Variants in SGPP1 observed in about 807,000 individuals in gnomAD.
SGPP1 encodes hSPP1.
A neutral mutation model predicts 33.0 loss-of-function variants in SGPP1; 21 were observed. The observed-to-expected ratio is 0.64, with a 90% CI of 0.45 to 0.92. The LOEUF (loss-of-function observed/expected upper bound fraction) is 0.92, where lower values mean the gene tolerates loss of function less well. Among genes scored for constraint, SGPP1 ranks in the 40% least tolerant of loss-of-function variants. The pLI is 0.00. For synonymous variants in SGPP1, 239 were observed against 241.2 expected, an observed-to-expected ratio of 0.99 and a Z score of 0.08; for missense variants, 543 against 589.4, an observed-to-expected ratio of 0.92 and a Z score of 0.81.
chr14:63,714,744 A>T (rs867651120), intron 1 of SGPP1, among the ~76,000 whole-genome samples: 20 of 143,042 alleles, frequency 1.4e-4, no homozygotes, highest in Admixed American at 2.8e-4. Context: ...ATTTTTATTT[A>T]TTTTTTTTTT....
At position 63,698,545 on chromosome 14, in the gene SGPP1, T is replaced by C. The variant is rs200006628; in HGVS notation, c.774+24A>G. 5.1e-5 allele frequency: 67 copies of C among 1,326,384 alleles called. No individual in the cohort carries two copies. In the South Asian group the frequency reaches 5.9e-4, roughly 12 times the overall value. The allele number at this position is 1,326,384 out of a possible 1,614,324, so 82.2% of individuals were successfully genotyped here. On this transcript the variant is annotated intron_variant, in intron 2 of 2. Transcript: ENST00000247225. ...TGTCAATGTCATAAAAAATAAAGTATTAAGAAGACAACATTTTCCTTACCA... is the reference window on the plus strand; with the variant it reads ...TGTCAATGTCATAAAAAATAAAGTACTAAGAAGACAACATTTTCCTTACCA...
intron 1 of SGPP1, among the ~76,000 whole-genome samples, chr14:63,703,422 AGGTGGGCG>A (rs1885342065): frequency 3.9e-5 from 6 of 152,098 alleles, no homozygotes; most frequent in Admixed American, 3.3e-4. Flanking sequence ...TGGGAAGCTG[AGGTGGGCG>A]GATCACAAGG....
intron 2 of SGPP1, among the ~76,000 whole-genome samples, chr14:63,687,902 C>T (rs1198005727): frequency 1.3e-5 from 2 of 152,086 alleles, no homozygotes; most frequent in African/African-American, 4.8e-5. Context: ...GGGTGGATCA[C>T]CTGAGGTCAA....
At chr14:63,695,108 G>A (rs1885161040) in intron 2 of SGPP1, among the ~76,000 whole-genome samples, 1 of 152,060 alleles carries the variant, frequency 6.6e-6, no homozygotes, top group Non-Finnish European at 1.5e-5. Flanking sequence ...CCAGGCTGGA[G>A]TGCAGTGGCG....
chr14:63,698,516 T>C, intron 2 of SGPP1, 53 bp downstream of exon 2: 1 of 1,011,258 alleles, frequency 9.9e-7, no homozygotes, highest in Non-Finnish European at 1.5e-6. Flanking sequence ...ATTATAAAAT[T>C]TCCTGTCAAT....
In SGPP1 at chr14:63,709,326, A is replaced by C. The variant is rs182837044; in HGVS notation, c.685-10668T>G. Reference sequence around the variant, plus strand: ...GCGGCAGAGGTTGCAGTGAGCTGAAACTATGCCATTGCACTCCAGCCTGGG... The same window carrying C: ...GCGGCAGAGGTTGCAGTGAGCTGAACCTATGCCATTGCACTCCAGCCTGGG... On this transcript the variant is annotated intron_variant, in intron 1 of 2. Coordinates refer to ENST00000247225, the MANE Select transcript of SGPP1 (RefSeq NM_030791.4). 5.7e-3 allele frequency among the ~76,000 whole-genome samples: 860 copies of C among 151,644 alleles called. 9 individuals carry two copies. Among genetic ancestry groups the C allele is most frequent in the African/African-American group, 0.02 (810 of 41,300 alleles).
intron 2 of SGPP1, among the ~76,000 whole-genome samples, chr14:63,694,214 C>T (rs1885143526): frequency 6.6e-6 from 1 of 150,922 alleles, no homozygotes; most frequent in Admixed American, 6.6e-5. Flanking sequence ...GCAAAGGTTG[C>T]AGTGAGCAGA....
chr14:63,685,856 C>T lies in SGPP1; in HGVS notation c.*249G>A. 2 of 216,486 alleles carry T rather than the reference C, an allele frequency of 9.2e-6. No homozygotes were observed. The highest frequency in any genetic ancestry group is 1.8e-5 in the Non-Finnish European group (2 of 110,496). 13.4% of individuals were successfully genotyped at this position (216,486 alleles called of 1,614,324 possible). Reference sequence around the variant, plus strand: ...TATAAGTTGAATCCATAATACAAAACTCTCCAAACATTACATGAACATTCT... The same window carrying T: ...TATAAGTTGAATCCATAATACAAAATTCTCCAAACATTACATGAACATTCT... On this transcript the variant is annotated 3_prime_UTR_variant, in exon 3 of 3. Transcript: ENST00000247225.
intron 2 of SGPP1, among the ~76,000 whole-genome samples, chr14:63,694,426 G>A (rs1885149112): frequency 6.6e-6 from 1 of 151,322 alleles, no homozygotes; most frequent in Non-Finnish European, 1.5e-5. Context: ...TCTACTTTTT[G>A]TGTATAGCTC....
chr14:63,693,020 G>A (rs762362057), intron 2 of SGPP1, among the ~76,000 whole-genome samples: 2 of 151,944 alleles, frequency 1.3e-5, no homozygotes, highest in African/African-American at 2.4e-5. Flanking sequence ...CCACAGCCTC[G>A]ACTTCCTGGG....
rs1287544809 is a variant in SGPP1 at position 63,686,546 on chromosome 14, G to T, written c.885C>A (p.Ile295=). 6.2e-7 allele frequency: 1 copy of T among 1,614,084 alleles called. No homozygotes were observed. Among genetic ancestry groups the T allele is most frequent in the Admixed American group, 1.7e-5 (1 of 60,006 alleles). ...TCCCCAAAGCTAAATGAAGCCCGAT[G>T]ATGATGAATGGAGCATATTTGTGAG... The part of the protein sequence containing the change: ...NQTHKYAPFI[I]IGLHLALGIF... The change falls in exon 3 of 3, where the codon ATC becomes ATA. Residue 295 remains isoleucine, a synonymous_variant. Coordinates refer to ENST00000247225, the MANE Select transcript of SGPP1 (RefSeq NM_030791.4).
At chr14:63,699,968 T>C (rs1885262300) in intron 1 of SGPP1, among the ~76,000 whole-genome samples, 1 of 152,034 alleles carries the variant, frequency 6.6e-6, no homozygotes, top group Non-Finnish European at 1.5e-5. Flanking sequence ...AGTCTTACCT[T>C]TTCCTTTTTT....
At chr14:63,710,760 G>T (rs1031881705) in intron 1 of SGPP1, among the ~76,000 whole-genome samples, 1 of 152,114 alleles carries the variant, frequency 6.6e-6, no homozygotes, top group Non-Finnish European at 1.5e-5. Context: ...CCTAAGGGAC[G>T]AGATCATGTA....
At position 63,724,726 on chromosome 14, in the gene SGPP1, C is replaced by T. The variant is rs1203296232; in HGVS notation, c.684+2535G>A. ...GGCCAGTGGTGGGGAGGCCGATGAG[C>T]GGGGGGCGGCTAATTTTTTGTATTT... On this transcript the variant is annotated intron_variant, in intron 1 of 2. Coordinates refer to ENST00000247225, the MANE Select transcript of SGPP1 (RefSeq NM_030791.4). 3.5e-5 allele frequency among the ~76,000 whole-genome samples: 5 copies of T among 143,330 alleles called. No homozygotes were observed. In the East Asian group the frequency reaches 1.1e-3, roughly 32 times the overall value. 94.0% of individuals were successfully genotyped at this position (143,330 alleles called of 152,430 possible).
chr14:63,690,085 C>T (rs936238779), intron 2 of SGPP1, among the ~76,000 whole-genome samples: 4 of 152,158 alleles, frequency 2.6e-5, no homozygotes, highest in African/African-American at 7.2e-5. Context: ...TTTTGTTTGT[C>T]GCCCAGGCTG....
chr14:63,723,830 A>T (rs1212986440), intron 1 of SGPP1, among the ~76,000 whole-genome samples: 1 of 152,146 alleles, frequency 6.6e-6, no homozygotes, highest in East Asian at 1.9e-4. Context: ...TGGGAAACTT[A>T]CCCTGGGAAA....
At chr14:63,690,627 T>C (rs1885075367) in intron 2 of SGPP1, among the ~76,000 whole-genome samples, 2 of 152,258 alleles carry the variant, frequency 1.3e-5, no homozygotes, top group South Asian at 2.1e-4. Flanking sequence ...TTGTTTTGTC[T>C]AGCAGAATCT....
rs1438306453 is a variant in SGPP1, at chr14:63,727,994, C to A, written c.-50G>T. 6.7e-7 allele frequency: 1 copy of A among 1,495,356 alleles called. No individual in the cohort carries two copies. Among genetic ancestry groups the A allele is most frequent in the African/African-American group, 1.4e-5 (1 of 69,256 alleles). The allele number at this position is 1,495,356 out of a possible 1,614,324, so 92.6% of individuals were successfully genotyped here. ...GGCCGGCCTCCGGCGCAGCCCCGAA[C>A]TGTCCCCGCGCTCCTGGCCAGCGGC... On this transcript the variant is annotated 5_prime_UTR_variant, in exon 1 of 3. Transcript: ENST00000247225.
chr14:63,692,611 G>A (rs770731710), intron 2 of SGPP1, among the ~76,000 whole-genome samples: 1 of 151,878 alleles, frequency 6.6e-6, no homozygotes, highest in South Asian at 2.1e-4. Context: ...CACCAGGCCT[G>A]GCTAATATTT....
Sources: allele counts gnomAD v4.1 joint callset (sites outside exome capture counted in the v4.1 genomes callset), GRCh38; gene constraint gnomAD v4.1.1; transcripts MANE v1.5; gene names NCBI Gene and HGNC (gene_info 2026-07-23, HGNC 2026-07-21).